The following TMOD2 variants were observed in gnomAD, a reference collection of about 807,000 sequenced individuals.
The protein encoded by TMOD2 is tropomodulin 2, also known as tropomodulin-2.
TMOD2 carries 22 observed loss-of-function variants against 39.9 expected under a neutral mutation model. The observed-to-expected ratio is 0.55, with a 90% confidence interval of 0.39 to 0.79. The LOEUF is 0.79. Among genes scored for constraint, TMOD2 ranks in the 30% least tolerant of loss-of-function variants. The pLI, the probability that TMOD2 is intolerant of heterozygous loss-of-function variation, is 0.00. For missense variants in TMOD2, 386 were observed against 413.3 expected, an observed-to-expected ratio of 0.93 and a Z score of 0.57; for synonymous variants, 123 against 146.1, an observed-to-expected ratio of 0.84 and a Z score of 1.14.
At chr15:51,803,062 C>G (rs560420983) in intron 8 of TMOD2, among the ~76,000 whole-genome samples, 1 of 151,064 alleles carries the variant, frequency 6.6e-6, no homozygotes, top group East Asian at 2.0e-4. Context: ...CAAAAATATA[C>G]TAGCAGAGCA....
intron 3 of TMOD2, among the ~76,000 whole-genome samples, chr15:51,772,327 A>G (rs1039098367): frequency 2.6e-5 from 4 of 152,096 alleles, no homozygotes; most frequent in Non-Finnish European, 5.9e-5. Context: ...GAGAGAAACA[A>G]AGAGTCAAAA....
chr15:51,773,359 G>A (rs960748838), intron 3 of TMOD2, among the ~76,000 whole-genome samples: 1 of 152,186 alleles, frequency 6.6e-6, no homozygotes, highest in African/African-American at 2.4e-5. Flanking sequence ...GCCACAGGAA[G>A]ACTAGTATGG....
At chr15:51,792,803 G>A (rs913227644) in intron 7 of TMOD2, among the ~76,000 whole-genome samples, 1 of 152,156 alleles carries the variant, frequency 6.6e-6, no homozygotes, top group African/African-American at 2.4e-5. Flanking sequence ...TCATAAGTGG[G>A]AGTTGAACAA....
At chr15:51,766,289 T>G in intron 1 of TMOD2, 84 bp from the exon 2 acceptor site, 3 of 630,242 alleles carry the variant, frequency 4.8e-6, no homozygotes, top group Non-Finnish European at 8.0e-6. Context: ...TAGGCTCCAT[T>G]GGAGGCATAC....
chr15:51,782,833 G>A lies in TMOD2; in HGVS notation c.732+5G>A, dbSNP rs1407356750. On this transcript the variant is annotated splice_donor_5th_base_variant and intron_variant, in intron 7 of 9. Transcript: ENST00000249700. ...AGCAATGACCCTGTGGCCATTGTGA[G>A]TAAAATTCTTAGAAATATAACATGA... 1.9e-6 allele frequency: 3 copies of A among 1,610,452 alleles called. No individual in the cohort carries two copies. The highest frequency in any genetic ancestry group is 2.2e-5 in the East Asian group (1 of 44,852).
chr15:51,805,977 T>A (rs1260727524), intron 8 of TMOD2, among the ~76,000 whole-genome samples: 1 of 152,124 alleles, frequency 6.6e-6, no homozygotes, highest in East Asian at 1.9e-4. Context: ...AAATAAAAAT[T>A]TAGTAATTGG....
At chr15:51,777,080 A>T (rs941201051) in intron 5 of TMOD2, 62 bp downstream of exon 5, 2 of 1,417,628 alleles carry the variant, frequency 1.4e-6, no homozygotes, top group Non-Finnish European at 2.0e-6. Context: ...TGCTGGTAGG[A>T]GAGAGGCCTG....
At chr15:51,800,863 G>T (rs1400894158) in intron 8 of TMOD2, among the ~76,000 whole-genome samples, 1 of 152,010 alleles carries the variant, frequency 6.6e-6, no homozygotes, top group Non-Finnish European at 1.5e-5. Context: ...ACACTACCAT[G>T]CCCAGCTAAT....
chr15:51,778,255 A>T (rs1211351044), intron 5 of TMOD2, among the ~76,000 whole-genome samples: 1 of 147,572 alleles, frequency 6.8e-6, no homozygotes, highest in African/African-American at 2.5e-5. Context: ...CCAACACCGC[A>T]TCTTCTCACT....
At chr15:51,783,617 G>A (rs2055947083) in intron 7 of TMOD2, 1 of 152,154 alleles carries the variant, frequency 6.6e-6, no homozygotes, top group Non-Finnish European at 1.5e-5. Flanking sequence ...AGCCAGGTGT[G>A]GTAACGTACA....
intron 8 of TMOD2, among the ~76,000 whole-genome samples, chr15:51,802,424 G>A (rs898776277): frequency 4.6e-5 from 7 of 152,192 alleles, no homozygotes; most frequent in African/African-American, 1.7e-4. Flanking sequence ...TTCAAATCAA[G>A]GATGAATAAG....
chr15:51,805,370 T>C (rs1303588384), intron 8 of TMOD2, among the ~76,000 whole-genome samples: 1 of 152,220 alleles, frequency 6.6e-6, no homozygotes, highest in East Asian at 1.9e-4. Flanking sequence ...GGAGATTTTT[T>C]TGTAGTCCAG....
chr15:51,790,192 G>T (rs1714311256), intron 7 of TMOD2, among the ~76,000 whole-genome samples: 1 of 152,172 alleles, frequency 6.6e-6, no homozygotes, highest in South Asian at 2.1e-4. Context: ...TGATCCCACA[G>T]AAATACAAAC....
In TMOD2 at chr15:51,782,749, T is replaced by G; in HGVS notation, c.653T>G (p.Phe218Cys). ...KNIPIPTLRE[F>C]AKALETNTHV... ...ATTCCAATTCCAACCCTGAGGGAAT[T>G]TGCAAAGGCTCTGGAGACCAACACT... The change falls in exon 7 of 10, where the codon TTT becomes TGT. Residue 218 changes from phenylalanine to cysteine, a missense_variant. By Grantham distance (205) the Phe-to-Cys change is radical. Coordinates refer to ENST00000249700, the MANE Select transcript of TMOD2 (RefSeq NM_014548.4). 1 of 1,614,042 alleles carries G rather than the reference T, an allele frequency of 6.2e-7. No individual in the cohort carries two copies. The highest frequency in any genetic ancestry group is 8.5e-7 in the Non-Finnish European group (1 of 1,179,898).
At chr15:51,789,799 C>T (rs2055997276) in intron 7 of TMOD2, among the ~76,000 whole-genome samples, 1 of 152,182 alleles carries the variant, frequency 6.6e-6, no homozygotes, top group African/African-American at 2.4e-5. Flanking sequence ...TAAAGATGTC[C>T]TTTGAAACCA....
chr15:51,770,298 G>A (rs1191371967), intron 3 of TMOD2, among the ~76,000 whole-genome samples: 1 of 152,122 alleles, frequency 6.6e-6, no homozygotes, highest in Non-Finnish European at 1.5e-5. Flanking sequence ...TTAAATTTCA[G>A]GGCCTCGGGC....
rs139410004 is a variant in TMOD2, at chr15:51,762,445, C to G, written c.-69-3928C>G. 9.3e-3 allele frequency among the ~76,000 whole-genome samples: 1,411 copies of G among 152,242 alleles called. 21 individuals carry two copies. The highest frequency in any genetic ancestry group is 0.033 in the African/African-American group (1,360 of 41,532). ...AACTGAACTCAAGCCTGGCAACAGA[C>G]TGAGACCGTGTCTCAAAAAATAATA... On this transcript the variant is annotated intron_variant, in intron 1 of 9. Coordinates refer to ENST00000249700, the MANE Select transcript of TMOD2 (RefSeq NM_014548.4).
intron 4 of TMOD2, among the ~76,000 whole-genome samples, chr15:51,775,151 A>G (rs1489620870): frequency 6.6e-6 from 1 of 152,064 alleles, no homozygotes; most frequent in East Asian, 1.9e-4. Context: ...GAGTGTCGGC[A>G]TATTGCCCAT....
At chr15:51,800,762 A>G (rs192644050) in intron 8 of TMOD2, among the ~76,000 whole-genome samples, 99 of 152,258 alleles carry the variant, frequency 6.5e-4, no homozygotes, top group African/African-American at 1.9e-3. Flanking sequence ...CTAGAGTACA[A>G]TGATGCAGTG....
Sources: allele counts gnomAD v4.1 joint callset (sites outside exome capture counted in the v4.1 genomes callset), GRCh38; gene constraint gnomAD v4.1.1; transcripts MANE v1.5; gene names NCBI Gene and HGNC (gene_info 2026-07-23, HGNC 2026-07-21).